The following PRH1 variants were observed in gnomAD, a reference collection of about 807,000 sequenced individuals.
PRH1 encodes the protein salivary acidic proline-rich phosphoprotein 1/2.
In PRH1, 7 loss-of-function variants were observed where a neutral mutation model predicts 7.9. The observed-to-expected ratio is 0.89, with a 90% CI of 0.50 to 1.67. The LOEUF (loss-of-function observed/expected upper bound fraction) is 1.67, where lower values mean the gene tolerates loss of function less well. Among genes scored for constraint, PRH1 ranks in the 40% most tolerant of loss-of-function variants. The pLI, the probability that PRH1 is intolerant of heterozygous loss-of-function variation, is 0.00. For missense variants in PRH1, 109 were observed against 223.6 expected (o/e 0.49, Z 3.27); for synonymous variants, 45 against 80.8 (o/e 0.56, Z 2.38).
In PRH1 at chr12:11,062,275, A is replaced by G. The variant is rs1943644357; in HGVS notation, n.124-15087T>C. 12 of 1,611,944 alleles carry G rather than the reference A, an allele frequency of 7.4e-6. No individual in the cohort carries two copies. In the East Asian group the frequency reaches 2.7e-4, roughly 36 times the overall value. Reference sequence around the variant, plus strand: ...AACCACTATTAGAATGGAAAAAATGATGGGCAGAAAAGTTATCATGTCTGA... The same window carrying G: ...AACCACTATTAGAATGGAAAAAATGGTGGGCAGAAAAGTTATCATGTCTGA... On this transcript the variant is annotated intron_variant and non_coding_transcript_variant, in intron 1 of 4. Transcript: ENST00000541977.
At chr12:11,061,518 A>G (rs1565608709) in intron 1 of PRH1, 4 of 1,614,038 alleles carry the variant, frequency 2.5e-6, no homozygotes, top group Non-Finnish European at 3.4e-6. Flanking sequence ...ACATGAAGAC[A>G]GGTTTGTTTT....
At chr12:10,984,477 G>C (rs1397146103) in intron 1 of PRH1, among the ~76,000 whole-genome samples, 3 of 151,588 alleles carry the variant, frequency 2.0e-5, no homozygotes, top group Non-Finnish European at 2.9e-5. Context: ...CATATAGTTA[G>C]TTTACTGCTT....
chr12:11,003,258 T>C (rs1030601047), intron 1 of PRH1, among the ~76,000 whole-genome samples: 2 of 152,078 alleles, frequency 1.3e-5, no homozygotes, highest in African/African-American at 4.8e-5. Flanking sequence ...AGCCTAGTTT[T>C]ATATTCATTA....
At chr12:10,939,242 C>T (rs778246453) in intron 2 of PRH1, 11 of 1,232,094 alleles carry the variant, frequency 8.9e-6, no homozygotes, top group Non-Finnish European at 1.2e-5. Flanking sequence ...TCTAATATCA[C>T]TGCTGAAGAC....
At chr12:11,039,422 A>G (rs532187430) in intron 1 of PRH1, among the ~76,000 whole-genome samples, 15 of 152,382 alleles carry the variant, frequency 9.8e-5, no homozygotes, top group African/African-American at 3.6e-4. Flanking sequence ...TTCAAACACA[A>G]TGTCCTTGCT....
At chr12:10,997,496 C>A in intron 1 of PRH1, 1 of 1,614,012 alleles carries the variant, frequency 6.2e-7, no homozygotes, top group Non-Finnish European at 8.5e-7. Context: ...CAGAACTACA[C>A]TCTTAGCCTT....
intron 1 of PRH1, among the ~76,000 whole-genome samples, chr12:11,145,391 C>A (rs559314489): frequency 6.6e-6 from 1 of 152,154 alleles, no homozygotes; most frequent in Non-Finnish European, 1.5e-5. Flanking sequence ...TGGGATTTCA[C>A]CATGTTGGCT....
intron 2 of PRH1, among the ~76,000 whole-genome samples, chr12:10,902,694 G>GGA (rs1173259025): frequency 6.6e-6 from 1 of 152,138 alleles, no homozygotes; most frequent in Non-Finnish European, 1.5e-5. Context: ...TTACAAGCCA[G>GGA]GAGAGATTGG....
chr12:10,944,483 T>C (rs1465482480), intron 2 of PRH1, among the ~76,000 whole-genome samples: 1 of 152,184 alleles, frequency 6.6e-6, no homozygotes, highest in Non-Finnish European at 1.5e-5. Flanking sequence ...TATGGGGTTT[T>C]GTAGATAGAG....
intron 2 of PRH1, among the ~76,000 whole-genome samples, chr12:10,969,245 C>T (rs771557100): frequency 2.0e-5 from 3 of 152,180 alleles, no homozygotes; most frequent in Non-Finnish European, 4.4e-5. Flanking sequence ...TCCAACGTCC[C>T]ACCATAGTCT....
intron 1 of PRH1, among the ~76,000 whole-genome samples, chr12:11,108,945 A>T (rs577336750): frequency 2.1e-3 from 314 of 152,334 alleles, no homozygotes; most frequent in African/African-American, 7.3e-3. Flanking sequence ...CTAGTTTAGC[A>T]GTCTGAAGTC....
intron 1 of PRH1, among the ~76,000 whole-genome samples, chr12:11,058,775 G>A (rs1237005177): frequency 6.6e-6 from 1 of 152,170 alleles, no homozygotes; most frequent in African/African-American, 2.4e-5. Context: ...TGGAATTAGT[G>A]CAAGACCATT....
intron 1 of PRH1, among the ~76,000 whole-genome samples, chr12:11,148,681 C>A (rs867727915): frequency 8.6e-6 from 1 of 116,262 alleles, no homozygotes; most frequent in African/African-American, 2.9e-5. Context: ...CTGCTGGATT[C>A]GGTTTGCCAG....
intron 1 of PRH1, among the ~76,000 whole-genome samples, chr12:11,002,089 T>C (rs1940622125): frequency 6.6e-6 from 1 of 152,150 alleles, no homozygotes. Context: ...AAAATGTATT[T>C]GGTTCAACTT....
chr12:11,011,646 AC>A (rs1332146806), intron 1 of PRH1, among the ~76,000 whole-genome samples: 2 of 152,142 alleles, frequency 1.3e-5, no homozygotes, highest in Non-Finnish European at 2.9e-5. Flanking sequence ...CTTGGTCATA[AC>A]CAGAATCATG....
At chr12:11,088,334 C>A (rs1944778114) in intron 1 of PRH1, among the ~76,000 whole-genome samples, 1 of 105,876 alleles carries the variant, frequency 9.4e-6, no homozygotes, top group Non-Finnish European at 2.2e-5. Context: ...GAATGAGACC[C>A]TGTCTCAAAA....
rs375558179 is a variant in PRH1 at position 10,970,054 on chromosome 12, G to A, written c.-59+3601C>T. ...TGACCTCAGGTGATCTGCCTGTATC[G>A]GCCTCCCAAAGTGTTGGGATTACAG... is the stretch of plus-strand genomic sequence containing the variant. On this transcript the variant is annotated intron_variant, in intron 2 of 3. Transcript: ENST00000539853. Among the ~76,000 whole-genome samples, 47 of 152,174 alleles carry A rather than the reference G, an allele frequency of 3.1e-4. No homozygotes were observed. The East Asian group carries it at 7.5e-3, about 24-fold the overall frequency.
At chr12:10,918,830 T>C (rs756286887) in intron 2 of PRH1, among the ~76,000 whole-genome samples, 2 of 152,196 alleles carry the variant, frequency 1.3e-5, no homozygotes, top group African/African-American at 4.8e-5. Context: ...ATCTGGTTTT[T>C]AAAATTATTT....
At chr12:11,167,475 C>T (rs1451690205) in intron 1 of PRH1, among the ~76,000 whole-genome samples, 4 of 146,082 alleles carry the variant, frequency 2.7e-5, no homozygotes, top group South Asian at 2.1e-4. Flanking sequence ...TATGGAGTCT[C>T]GCTCTGTCAC....
Sources: gnomAD v4.1 joint callset for allele counts (sites outside exome capture counted in the v4.1 genomes callset) on GRCh38, gnomAD v4.1.1 for gene constraint, MANE v1.5 for transcripts, NCBI Gene and HGNC (gene_info 2026-07-23, HGNC 2026-07-21) for gene names.